Variants in EGFLAM observed in about 807,000 individuals in gnomAD.
EGFLAM encodes pikachurin.
In EGFLAM, 79 loss-of-function variants were observed where a neutral mutation model predicts 113.1. That is an observed-to-expected ratio of 0.70 (90% CI 0.58 to 0.84). The LOEUF (loss-of-function observed/expected upper bound fraction) is 0.84. Ranked by LOEUF, EGFLAM falls within the 40% of genes least tolerant of loss-of-function variation. The pLI, the probability that EGFLAM is intolerant of heterozygous loss-of-function variation, is 0.00. For missense variants in EGFLAM, 1,265 were observed against 1,291.6 expected, an observed-to-expected ratio of 0.98 and a Z score of 0.32; for synonymous variants, 504 against 487.6, an observed-to-expected ratio of 1.03 and a Z score of -0.44.
chr5:38,421,190 G>A (rs534272465), intron 12 of EGFLAM, among the ~76,000 whole-genome samples: 1 of 152,230 alleles, frequency 6.6e-6, no homozygotes, highest in African/African-American at 2.4e-5. Context: ...TCCCCAGAGG[G>A]GCTTGCATTA....
rs1390735235 is a variant in EGFLAM, at chr5:38,418,290, T to C, written c.1684+35T>C. 3 of 1,608,664 alleles carry C rather than the reference T, an allele frequency of 1.9e-6. No homozygotes were observed. The African/African-American group carries it at 4.0e-5, about 21-fold the overall frequency. On this transcript the variant is annotated intron_variant, in intron 12 of 21. Transcript: ENST00000322350. ...TGCCTGGTGGGTTGGGGTACTCTTA[T>C]GGGACTTATGTCTTATGGGACTGCC...
chr5:38,335,123 C>T (rs946784077), intron 1 of EGFLAM, among the ~76,000 whole-genome samples: 3 of 152,016 alleles, frequency 2.0e-5, no homozygotes, highest in East Asian at 1.9e-4. Context: ...AAGAATTTAC[C>T]CAAATAAATA....
intron 1 of EGFLAM, among the ~76,000 whole-genome samples, chr5:38,264,176 G>C (rs1197169373): frequency 2.0e-5 from 3 of 152,100 alleles, no homozygotes; most frequent in East Asian, 3.9e-4. Context: ...TGGCACTAGG[G>C]GGGCTGGAGA....
intron 3 of EGFLAM, among the ~76,000 whole-genome samples, chr5:38,344,252 G>A (rs1003156554): frequency 3.9e-5 from 6 of 152,214 alleles, no homozygotes; most frequent in Non-Finnish European, 8.8e-5. Context: ...TTGGGAGGCT[G>A]AGGTGGGCAG....
At chr5:38,427,327 G>T in intron 14 of EGFLAM, 75 bp downstream of exon 14, 2 of 1,567,374 alleles carry the variant, frequency 1.3e-6, no homozygotes, top group Non-Finnish European at 8.6e-7. Flanking sequence ...AAACCAAATC[G>T]CCATTCAACA....
At chr5:38,337,283 G>A (rs1214725810) in intron 1 of EGFLAM, among the ~76,000 whole-genome samples, 1 of 152,166 alleles carries the variant, frequency 6.6e-6, no homozygotes, top group Non-Finnish European at 1.5e-5. Flanking sequence ...GAAGTTACCC[G>A]AGAGAATAAG....
At chr5:38,349,116 C>T (rs1323097223) in intron 3 of EGFLAM, among the ~76,000 whole-genome samples, 19 of 152,166 alleles carry the variant, frequency 1.2e-4, no homozygotes, top group Admixed American at 1.2e-3. Flanking sequence ...TTCTTAGAAA[C>T]AATGGACGTT....
intron 6 of EGFLAM, among the ~76,000 whole-genome samples, chr5:38,392,283 T>A (rs912539565): frequency 4.6e-5 from 7 of 152,228 alleles, no homozygotes; most frequent in Non-Finnish European, 1.0e-4. Flanking sequence ...GCAAAAGACA[T>A]GATCTTATTC....
chr5:38,461,910 A>G (rs1232401987), intron 20 of EGFLAM, among the ~76,000 whole-genome samples: 1 of 152,110 alleles, frequency 6.6e-6, no homozygotes, highest in African/African-American at 2.4e-5. Context: ...TCACGCCTGT[A>G]ATCCCAGCAC....
intron 1 of EGFLAM, among the ~76,000 whole-genome samples, chr5:38,274,642 C>G (rs567325758): frequency 6.6e-6 from 1 of 152,070 alleles, no homozygotes; most frequent in East Asian, 1.9e-4. Flanking sequence ...AAAGACTTTC[C>G]CAGACAAACA....
chr5:38,327,214 A>G (rs531839270), intron 1 of EGFLAM, among the ~76,000 whole-genome samples: 28 of 152,222 alleles, frequency 1.8e-4, no homozygotes, highest in Non-Finnish European at 2.5e-4. Context: ...CAGACTGCAA[A>G]CATGAGACAG....
chr5:38,412,640 C>T lies in EGFLAM; in HGVS notation c.1486C>T (p.Gln496Ter), dbSNP rs779363987. Residue 496 changes from glutamine (Q) to a stop codon, truncating the protein, a stop_gained, in exon 11 of 22, where the codon CAG becomes TAG. Transcript: ENST00000322350. LOFTEE classifies it high-confidence loss of function. ...GAACAATGGCACCCCAGTGACAGGC[C>T]AGTCTCAGGTATGTATGAGCCCCAC... is the stretch of plus-strand genomic sequence containing the variant. ...QLNNGTPVTGQSQGQYSKITF... is the reference protein window; with the variant it reads ...QLNNGTPVTG 6.2e-7 allele frequency: 1 copy of T among 1,613,904 alleles called. No individual in the cohort carries two copies.
At chr5:38,435,621 C>A (rs1161355292) in intron 16 of EGFLAM, among the ~76,000 whole-genome samples, 1 of 152,118 alleles carries the variant, frequency 6.6e-6, no homozygotes, top group Non-Finnish European at 1.5e-5. Context: ...CTCTGCGCTT[C>A]TCTTTTGCGG....
At chr5:38,303,303 C>T (rs114443021) in intron 1 of EGFLAM, among the ~76,000 whole-genome samples, 2,722 of 152,198 alleles carry the variant, frequency 0.018, 100 homozygotes, top group African/African-American at 0.062. Flanking sequence ...AAAAATTTCA[C>T]TGGAAATATA....
In EGFLAM at chr5:38,313,346, G is replaced by T. The variant is rs562161027; in HGVS notation, c.98-24174G>T. Among the ~76,000 whole-genome samples the T allele has an allele frequency of 2.6e-5, 4 of 152,148 alleles. No individual in the cohort carries two copies. In the South Asian group the frequency reaches 8.3e-4, roughly 32 times the overall value. Reference sequence around the variant, plus strand: ...TTCCATGTGTTATCTTAAATTCTTGGCAAGCATCATTTCAGTAATAGGCCA... The same window carrying T: ...TTCCATGTGTTATCTTAAATTCTTGTCAAGCATCATTTCAGTAATAGGCCA... On this transcript the variant is annotated intron_variant, in intron 1 of 21. Coordinates refer to ENST00000322350, the MANE Select transcript of EGFLAM (RefSeq NM_152403.4).
intron 1 of EGFLAM, among the ~76,000 whole-genome samples, chr5:38,336,370 G>A (rs1185306894): frequency 6.6e-6 from 1 of 152,232 alleles, no homozygotes; most frequent in Middle Eastern, 3.4e-3. Flanking sequence ...TCAGGAGATC[G>A]AGACCATCTT....
chr5:38,326,089 G>A (rs1049207057), intron 1 of EGFLAM, among the ~76,000 whole-genome samples: 27 of 152,152 alleles, frequency 1.8e-4, no homozygotes, highest in African/African-American at 6.5e-4. Flanking sequence ...GCTTCCCACA[G>A]CTCCGCTCAG....
intron 9 of EGFLAM, among the ~76,000 whole-genome samples, chr5:38,408,180 G>A (rs1034093521): frequency 2.6e-5 from 4 of 152,182 alleles, no homozygotes; most frequent in Non-Finnish European, 4.4e-5. Context: ...GTTGGGGTCC[G>A]AGCAATGTTG....
chr5:38,451,087 A>G (rs192124659), intron 18 of EGFLAM, among the ~76,000 whole-genome samples: 55 of 152,350 alleles, frequency 3.6e-4, no homozygotes, highest in African/African-American at 1.2e-3. Context: ...TCTGTCACTC[A>G]GCAAATGCTC....
Sources: gnomAD v4.1 joint callset for allele counts (sites outside exome capture counted in the v4.1 genomes callset) on GRCh38, gnomAD v4.1.1 for gene constraint, MANE v1.5 for transcripts, NCBI Gene and HGNC (gene_info 2026-07-23, HGNC 2026-07-21) for gene names.